TANC2: variants seen among roughly 807,000 people sequenced by gnomAD.
TANC2 encodes the protein tetratricopeptide repeat, ankyrin repeat and coiled-coil containing 2, also known as protein TANC2.
A neutral mutation model predicts 210.5 loss-of-function variants in TANC2; 26 were observed. The ratio of observed to expected loss-of-function variants is 0.12; its 90% CI spans 0.09 to 0.17. The LOEUF (loss-of-function observed/expected upper bound fraction) is 0.17. TANC2 is among the 10% of genes least tolerant of loss of function. The pLI is 1.00. For missense variants in TANC2, 2,129 were observed against 2,608.9 expected (o/e 0.82, Z 4.01); for synonymous variants, 931 against 967.1 (o/e 0.96, Z 0.69).
intron 14 of TANC2, among the ~76,000 whole-genome samples, chr17:63,357,755 A>G (rs1009101416): frequency 1.3e-5 from 2 of 152,242 alleles, no homozygotes; most frequent in Non-Finnish European, 2.9e-5. Flanking sequence ...TGGTCTTTCA[A>G]AGCAGCTGGC....
Position 63,306,212 on chromosome 17 carries a change from C to T in TANC2, c.1160-8176C>T, listed in dbSNP as rs990628359. Among the ~76,000 whole-genome samples the T allele has an allele frequency of 4.6e-5, 7 of 152,132 alleles. 1 individual carries two copies. The highest frequency in any genetic ancestry group is 4.6e-4 in the Admixed American group (7 of 15,274). ...TGGAAACGAACAGAGGTAACTGATA[C>T]AAGAGATCTTTCTAAGGAAAAATTC... On this transcript the variant is annotated intron_variant, in intron 9 of 27. Coordinates refer to ENST00000689528, the Ensembl canonical transcript of TANC2.
chr17:63,413,675 T>A, intron 25 of TANC2, 41 bp downstream of exon 25: 1 of 1,514,830 alleles, frequency 6.6e-7, no homozygotes, highest in Non-Finnish European at 9.0e-7. Flanking sequence ...GAACAGCCAC[T>A]GACTGTTTTC....
intron 15 of TANC2, among the ~76,000 whole-genome samples, chr17:63,384,533 A>G (rs2047715405): frequency 2.0e-5 from 3 of 152,144 alleles, no homozygotes; most frequent in South Asian, 2.1e-4. Flanking sequence ...TACATTTAAT[A>G]GTTATATATA....
chr17:63,172,412 C>T (rs2040436246), intron 5 of TANC2, among the ~76,000 whole-genome samples: 1 of 151,950 alleles, frequency 6.6e-6, no homozygotes, highest in Non-Finnish European at 1.5e-5. Context: ...GAACTCCTGA[C>T]CTCAGGTGAT....
chr17:63,093,057 C>A (rs2037262365), intron 3 of TANC2, among the ~76,000 whole-genome samples: 2 of 152,096 alleles, frequency 1.3e-5, no homozygotes, highest in African/African-American at 4.8e-5. Context: ...GTAACACTAT[C>A]ATTTGAAGAG....
chr17:63,066,296 C>G (rs1170947987), intron 2 of TANC2, among the ~76,000 whole-genome samples: 3 of 152,014 alleles, frequency 2.0e-5, no homozygotes, highest in Admixed American at 1.3e-4. Flanking sequence ...GCATCAGGTC[C>G]CTTGGAATGG....
At chr17:63,169,739 G>A (rs904397623) in intron 5 of TANC2, among the ~76,000 whole-genome samples, 9 of 150,628 alleles carry the variant, frequency 6.0e-5, no homozygotes, top group African/African-American at 2.2e-4. Flanking sequence ...ACTTGAACCC[G>A]GGAGGCGGAG....
At chr17:63,001,240 C>G (rs1451028137) in intron 1 of TANC2, among the ~76,000 whole-genome samples, 1 of 152,100 alleles carries the variant, frequency 6.6e-6, no homozygotes, top group Non-Finnish European at 1.5e-5. Context: ...TTGGTTTTCC[C>G]TCAGATAAAA....
At chr17:63,053,347 T>A (rs1194318995) in intron 2 of TANC2, among the ~76,000 whole-genome samples, 3 of 152,264 alleles carry the variant, frequency 2.0e-5, no homozygotes, top group Non-Finnish European at 4.4e-5. Flanking sequence ...CCATTTACAC[T>A]GGCTGAATGC....
At chr17:63,117,563 A>G (rs889910579) in intron 4 of TANC2, among the ~76,000 whole-genome samples, 1 of 152,218 alleles carries the variant, frequency 6.6e-6, no homozygotes, top group Non-Finnish European at 1.5e-5. Flanking sequence ...TTGGGACCAT[A>G]ATCAACATCT....
At chr17:63,055,030 A>G (rs1185836402) in intron 2 of TANC2, among the ~76,000 whole-genome samples, 2 of 152,206 alleles carry the variant, frequency 1.3e-5, no homozygotes, top group South Asian at 2.1e-4. Flanking sequence ...CTTCGGCTAG[A>G]TTAAGTTATT....
intron 8 of TANC2, among the ~76,000 whole-genome samples, chr17:63,246,516 A>G (rs1371673901): frequency 6.6e-6 from 1 of 152,164 alleles, no homozygotes; most frequent in East Asian, 1.9e-4. Flanking sequence ...ACTAATTGAC[A>G]GAGTCTATAT....
chr17:63,087,258 C>T (rs1056497943), intron 3 of TANC2, among the ~76,000 whole-genome samples: 6 of 152,094 alleles, frequency 3.9e-5, no homozygotes, highest in African/African-American at 1.4e-4. Flanking sequence ...GAAAGGTAGA[C>T]ATGATGTTTT....
At chr17:63,136,560 C>T (rs1357308832) in intron 4 of TANC2, among the ~76,000 whole-genome samples, 1 of 152,146 alleles carries the variant, frequency 6.6e-6, no homozygotes, top group African/African-American at 2.4e-5. Flanking sequence ...ATAGGCAGTA[C>T]TAAGGATATA....
chr17:63,347,310 A>G (rs1365656472), intron 12 of TANC2, among the ~76,000 whole-genome samples: 1 of 152,212 alleles, frequency 6.6e-6, no homozygotes, highest in Non-Finnish European at 1.5e-5. Context: ...GTCTGCAGTG[A>G]TAGAAATAAG....
At chr17:63,230,614 A>G (rs2042449745) in intron 7 of TANC2, among the ~76,000 whole-genome samples, 1 of 151,968 alleles carries the variant, frequency 6.6e-6, no homozygotes, top group African/African-American at 2.4e-5. Context: ...CTTAATCTTG[A>G]GTTCTAATTT....
At chr17:62,996,710 C>T (rs1477403214) in intron 1 of TANC2, among the ~76,000 whole-genome samples, 1 of 151,928 alleles carries the variant, frequency 6.6e-6, no homozygotes, top group African/African-American at 2.4e-5. Flanking sequence ...TGAGTTCTTC[C>T]ATTCTTCTCT....
At chr17:63,054,091 T>C (rs938548541) in intron 2 of TANC2, among the ~76,000 whole-genome samples, 2 of 152,226 alleles carry the variant, frequency 1.3e-5, no homozygotes, top group Non-Finnish European at 2.9e-5. Context: ...TGGTGTGATA[T>C]TGGGAAAGTC....
chr17:62,971,746 C>G lies in TANC2; in HGVS notation c.-24+4997C>G, dbSNP rs2031706568. Reference sequence around the variant, plus strand: ...GCCAGCCAGCATTACTGTGTGAGCACCTCCTCCTGTCAGATCAGCAGCTTC... The same window carrying G: ...GCCAGCCAGCATTACTGTGTGAGCAGCTCCTCCTGTCAGATCAGCAGCTTC... On this transcript the variant is annotated intron_variant, in intron 1 of 27. Coordinates refer to ENST00000689528, the Ensembl canonical transcript of TANC2. Among the ~76,000 whole-genome samples the G allele has an allele frequency of 2.0e-5, 3 of 152,226 alleles. No homozygotes were observed. In the South Asian group the frequency reaches 6.2e-4, roughly 31 times the overall value.
Sources: gnomAD v4.1 joint callset for allele counts (sites outside exome capture counted in the v4.1 genomes callset) on GRCh38, gnomAD v4.1.1 for gene constraint, MANE v1.5 for transcripts, NCBI Gene and HGNC (gene_info 2026-07-23, HGNC 2026-07-21) for gene names.